TMEM106C: variants seen among roughly 807,000 people sequenced by gnomAD.
TMEM106C encodes the protein transmembrane protein 106C, also known as endoplasmic reticulum membrane protein overexpressed in cancer.
A neutral mutation model predicts 30.8 loss-of-function variants in TMEM106C; 27 were observed. That is an observed-to-expected ratio of 0.88 (90% CI 0.65 to 1.21). The LOEUF is 1.21. TMEM106C is among the 50% of genes most tolerant of loss of function. The pLI is 0.00. For synonymous variants in TMEM106C, 123 were observed against 118.8 expected, an observed-to-expected ratio of 1.04 and a Z score of -0.23; for missense variants, 288 against 307.8, an observed-to-expected ratio of 0.94 and a Z score of 0.48.
At chr12:47,964,626 T>A (rs1331663565) in intron 2 of TMEM106C, 11 of 581,606 alleles carry the variant, frequency 1.9e-5, no homozygotes, top group Non-Finnish European at 3.1e-6. Context: ...TTTCTTTTCT[T>A]TACCGCCACT....
chr12:47,967,106 G>A (rs1428868437), intron 6 of TMEM106C, 102 bp from the exon 7 acceptor site: 14 of 1,216,954 alleles, frequency 1.2e-5, no homozygotes, highest in African/African-American at 1.5e-5. Context: ...TAGGTCGGAA[G>A]GGGGAGGGGG....
At chr12:47,964,148 C>A in intron 1 of TMEM106C, 61 bp from the exon 2 acceptor site, 1 of 1,433,782 alleles carries the variant, frequency 7.0e-7, no homozygotes, top group Non-Finnish European at 9.5e-7. Context: ...CTTATAGAAA[C>A]AAGCGATTTC....
At chr12:47,964,517 C>T (rs73297117) in intron 2 of TMEM106C, 94 bp downstream of exon 2, 17,766 of 1,194,182 alleles carry the variant, frequency 0.015, 1,032 homozygotes, top group African/African-American at 0.14. Flanking sequence ...GGCAGTAATA[C>T]CATAATAGAG....
At chr12:47,967,354 C>A in intron 7 of TMEM106C, 93 bp downstream of exon 7, 1 of 1,321,584 alleles carries the variant, frequency 7.6e-7, no homozygotes, top group Non-Finnish European at 1.1e-6. Context: ...AGGGCAGAGG[C>A]ACCTAGCCCG....
In TMEM106C at chr12:47,966,900, G is replaced by C. The variant is rs1039089838; in HGVS notation, c.602+168G>C. On this transcript the variant is annotated intron_variant, in intron 6 of 7. Coordinates refer to ENST00000429772, the MANE Select transcript of TMEM106C (RefSeq NM_001143842.2). ...TTTGAAGAATGTATTATTATTATGTGTGTATTTGAAGAATGTATTATTTGA... is the reference window on the plus strand; with the variant it reads ...TTTGAAGAATGTATTATTATTATGTCTGTATTTGAAGAATGTATTATTTGA... 2.4e-4 allele frequency: 164 copies of C among 684,782 alleles called. 1 individual carries two copies. The highest frequency in any genetic ancestry group is 4.8e-5 in the Non-Finnish European group (19 of 399,190). The allele number at this position is 684,782 out of a possible 1,614,324, so 42.4% of individuals were successfully genotyped here.
chr12:47,965,386 C>G, intron 3 of TMEM106C, 41 bp downstream of exon 3: 1 of 1,548,056 alleles, frequency 6.5e-7, no homozygotes, highest in African/African-American at 1.4e-5. Flanking sequence ...CTACTTCTGT[C>G]CCTAATCTCT....
chr12:47,966,586 A>T (rs1374484461), intron 5 of TMEM106C, 97 bp from the exon 6 acceptor site: 3 of 1,335,378 alleles, frequency 2.2e-6, no homozygotes, highest in Non-Finnish European at 2.2e-6. Context: ...TTTGCATGTG[A>T]TGGAAGAATG....
rs190081329 is a variant in TMEM106C, at chr12:47,967,283, C to G, written c.656+22C>G. 6.8e-5 allele frequency: 110 copies of G among 1,614,002 alleles called. 2 individuals are homozygous for G. Among genetic ancestry groups the G allele is most frequent in the Admixed American group, 1.7e-5 (1 of 60,036 alleles). Reference sequence around the variant, plus strand: ...TGCGGTGCGTCTCTCTTCCCTATCCCGATGGCCTGTCCGGCCATGTGAGCC... The same window carrying G: ...TGCGGTGCGTCTCTCTTCCCTATCCGGATGGCCTGTCCGGCCATGTGAGCC... On this transcript the variant is annotated intron_variant, in intron 7 of 7. Coordinates refer to ENST00000429772, the MANE Select transcript of TMEM106C (RefSeq NM_001143842.2).
At chr12:47,967,802 A>G (rs773506809) in intron 7 of TMEM106C, among the ~76,000 whole-genome samples, 1 of 152,170 alleles carries the variant, frequency 6.6e-6, no homozygotes, top group Non-Finnish European at 1.5e-5. Context: ...GATGTTTAAC[A>G]GTATTCCTGG....
At chr12:47,967,053 T>A (rs1440795427) in intron 6 of TMEM106C, 155 bp from the exon 7 acceptor site, 2 of 773,822 alleles carry the variant, frequency 2.6e-6, no homozygotes, top group Non-Finnish European at 4.4e-6. Context: ...AGGATGAAAA[T>A]GACAGTGGCA....
At chr12:47,964,461 A>G (rs1195930728) in intron 2 of TMEM106C, 38 bp downstream of exon 2, 2 of 1,603,804 alleles carry the variant, frequency 1.2e-6, no homozygotes, top group African/African-American at 1.3e-5. Context: ...GAGAATCCCA[A>G]GGTACCCTCG....
chr12:47,965,167 T>G, intron 2 of TMEM106C, 115 bp from the exon 3 acceptor site: 1 of 810,524 alleles, frequency 1.2e-6, no homozygotes, highest in Non-Finnish European at 2.0e-6. Context: ...TTCACTAGTA[T>G]TTTTTAAAAT....
chr12:47,964,869 T>C (rs1156567956), intron 2 of TMEM106C: 1 of 253,470 alleles, frequency 3.9e-6, no homozygotes, highest in African/African-American at 2.3e-5. Context: ...GATCATCTAT[T>C]ACTATTAACA....
intron 6 of TMEM106C, 75 bp from the exon 7 acceptor site, chr12:47,967,133 A>C: frequency 6.7e-7 from 1 of 1,488,164 alleles, no homozygotes; most frequent in Non-Finnish European, 9.3e-7. Context: ...CAAACAGGAC[A>C]GTGTAACTCT....
intron 6 of TMEM106C, 88 bp from the exon 7 acceptor site, chr12:47,967,120 C>T (rs1938255171): frequency 7.1e-7 from 1 of 1,399,404 alleles, no homozygotes; most frequent in East Asian, 2.3e-5. Flanking sequence ...GAGGGGGGCA[C>T]CCCAAACAGG....
At chr12:47,964,029 A>C in intron 1 of TMEM106C, 180 bp from the exon 2 acceptor site, 2 of 582,846 alleles carry the variant, frequency 3.4e-6, no homozygotes, top group East Asian at 3.0e-5. Context: ...TGTGGCGGGT[A>C]AGAGGAGAGT....
chr12:47,967,842 C>T (rs769608874), intron 7 of TMEM106C, among the ~76,000 whole-genome samples: 1 of 152,010 alleles, frequency 6.6e-6, no homozygotes, highest in African/African-American at 2.4e-5. Context: ...AGTAGTAAAC[C>T]CTCCATCCCT....
chr12:47,966,442 G>A (rs1483194190), intron 5 of TMEM106C: 2 of 704,458 alleles, frequency 2.8e-6, no homozygotes, highest in East Asian at 5.4e-5. Context: ...TAATTTGTAA[G>A]AGACAAAGAT....
At position 47,966,201 on chromosome 12, in the gene TMEM106C, C is replaced by G; in HGVS notation, c.524C>G (p.Ser175Cys). 1 of 1,614,002 alleles carries G rather than the reference C, an allele frequency of 6.2e-7. No homozygotes were observed. The highest frequency in any genetic ancestry group is 8.5e-7 in the Non-Finnish European group (1 of 1,179,996). The change falls in exon 5 of 8, where the codon TCC becomes TGC. Residue 175 changes from serine to cysteine, a missense_variant. By Grantham distance (112) the Ser-to-Cys change is moderately radical. Transcript: ENST00000429772. ...VVSTYVTTNV[S>C]LIPPRSEQLV... ...AGTACATATGTGACTACTAACGTCTCCCTTATTCCACCTCGGAGTGAGCAA... is the reference window on the plus strand; with the variant it reads ...AGTACATATGTGACTACTAACGTCTGCCTTATTCCACCTCGGAGTGAGCAA...
Sources: allele counts gnomAD v4.1 joint callset (sites outside exome capture counted in the v4.1 genomes callset), GRCh38; gene constraint gnomAD v4.1.1; transcripts MANE v1.5; gene names NCBI Gene and HGNC (gene_info 2026-07-23, HGNC 2026-07-21).